Variants in EXOSC9 observed in about 807,000 individuals in gnomAD.
EXOSC9 encodes the protein exosome component 9.
EXOSC9 carries 38 observed loss-of-function variants against 56.5 expected under a neutral mutation model. That is an observed-to-expected ratio of 0.67 (90% CI 0.52 to 0.88). The LOEUF (loss-of-function observed/expected upper bound fraction) is 0.88. EXOSC9 is among the 40% of genes least tolerant of loss of function. The probability of loss-of-function intolerance (pLI) is 0.00; values close to 1 mark genes in which losing one functional copy is unlikely to be tolerated. For missense variants in EXOSC9, 559 were observed against 530.5 expected, an observed-to-expected ratio of 1.05 and a Z score of -0.53; for synonymous variants, 170 against 170.8, an observed-to-expected ratio of 0.99 and a Z score of 0.04.
intron 4 of EXOSC9, among the ~76,000 whole-genome samples, chr4:121,804,139 T>C (rs944139855): frequency 5.3e-5 from 8 of 151,726 alleles, no homozygotes; most frequent in African/African-American, 1.9e-4. Flanking sequence ...TAGCTAGGAC[T>C]ATAGGCGCGT....
chr4:121,804,078 G>C (rs996259777), intron 4 of EXOSC9, among the ~76,000 whole-genome samples: 1 of 151,850 alleles, frequency 6.6e-6, no homozygotes, highest in African/African-American at 2.4e-5. Flanking sequence ...ATAGCTCACT[G>C]TAATCTTAAA....
chr4:121,814,208 C>T (rs908234789), intron 10 of EXOSC9, 161 bp downstream of exon 10: 12 of 473,080 alleles, frequency 2.5e-5, no homozygotes, highest in African/African-American at 2.3e-4. Context: ...GGATAAATAA[C>T]ATACAGGATA....
At chr4:121,804,819 G>T in intron 5 of EXOSC9, 60 bp downstream of exon 5, 1 of 1,398,610 alleles carries the variant, frequency 7.1e-7, no homozygotes, top group African/African-American at 1.4e-5. Context: ...TCTTAAATGT[G>T]CAGGCAACTT....
chr4:121,809,804 A>G, intron 6 of EXOSC9, 163 bp from the exon 7 acceptor site: 2 of 668,406 alleles, frequency 3.0e-6, no homozygotes, highest in South Asian at 1.8e-5. Context: ...CATAAACACA[A>G]TAATTTTCTT....
Position 121,807,616 on chromosome 4 carries a change from A to G in EXOSC9, c.599A>G (p.Gln200Arg), listed in dbSNP as rs566555238. Reference sequence around the variant, plus strand: ...ATTTGTGTCAGTTTTGCCTTTTTCCAGCAAGGGTAAGCCTCGCCTTATTAT... The same window carrying G: ...ATTTGTGTCAGTTTTGCCTTTTTCCGGCAAGGGTAAGCCTCGCCTTATTAT... ...MPICVSFAFF[Q>R]QGTYLLVDPN... The change falls in exon 6 of 12, where the codon CAG (glutamine) becomes CGG (arginine). Residue 200 changes from glutamine to arginine, a missense_variant. By Grantham distance (43) the Gln-to-Arg change is conservative (BLOSUM62 1). Transcript: ENST00000243498. 3.7e-6 allele frequency: 6 copies of G among 1,607,610 alleles called. No individual in the cohort carries two copies. In the South Asian group the frequency reaches 5.5e-5, roughly 15 times the overall value.
At chr4:121,808,812 G>A (rs1727122082) in intron 6 of EXOSC9, among the ~76,000 whole-genome samples, 2 of 151,176 alleles carry the variant, frequency 1.3e-5, no homozygotes, top group Non-Finnish European at 2.9e-5. Flanking sequence ...TGAGTAGCTG[G>A]GACCACAGGT....
At chr4:121,807,816 T>A (rs565002157) in intron 6 of EXOSC9, 194 bp downstream of exon 6, 2 of 591,480 alleles carry the variant, frequency 3.4e-6, no homozygotes, top group Non-Finnish European at 6.0e-6. Flanking sequence ...TCTTATACTT[T>A]GATGAAGATA....
chr4:121,803,101 CT>C, intron 4 of EXOSC9, 84 bp downstream of exon 4: 2 of 952,066 alleles, frequency 2.1e-6, no homozygotes, highest in Non-Finnish European at 3.3e-6. Flanking sequence ...ATTCTCAGAA[CT>C]TTAGTTAACT....
intron 10 of EXOSC9, chr4:121,815,931 A>G: frequency 9.8e-6 from 12 of 1,226,246 alleles, no homozygotes; most frequent in Non-Finnish European, 1.2e-5. Context: ...GAGTGCTCTA[A>G]GAAGCTGATT....
chr4:121,810,088 C>G lies in EXOSC9; in HGVS notation c.727C>G (p.Leu243Val), dbSNP rs762229142. 85 of 1,613,388 alleles carry G rather than the reference C, an allele frequency of 5.3e-5. No individual in the cohort carries two copies. Among genetic ancestry groups the G allele is most frequent in the Non-Finnish European group, 6.9e-5 (81 of 1,179,536 alleles). The stretch of plus-strand genomic sequence containing the variant: ...CCAGTCCAGTGGTGGGATAATGCTA[C>G]TAAAAGATCAAGTTAGTGCTTTGAT... Reference protein sequence around the residue: ...TIQSSGGIMLLKDQVLRCSKI... With the variant: ...TIQSSGGIMLVKDQVLRCSKI... Residue 243 changes from leucine (L) to valine (V), a missense_variant, in exon 7 of 12, where the codon CTA (leucine) becomes GTA (valine). Physicochemically the swap from Leu to Val is conservative, Grantham distance 32. Transcript: ENST00000243498.
intron 5 of EXOSC9, among the ~76,000 whole-genome samples, chr4:121,806,239 G>A (rs1195122889): frequency 1.3e-5 from 2 of 151,686 alleles, no homozygotes; most frequent in Middle Eastern, 3.4e-3. Flanking sequence ...TGCAGCCTCC[G>A]CCTCCCGGAT....
intron 5 of EXOSC9, among the ~76,000 whole-genome samples, chr4:121,806,389 C>G (rs1441468604): frequency 6.6e-6 from 1 of 151,762 alleles, no homozygotes; most frequent in African/African-American, 2.4e-5. Context: ...CAACCTCGTC[C>G]ACATCGGCCT....
intron 10 of EXOSC9, chr4:121,814,260 G>A: frequency 3.3e-6 from 1 of 305,014 alleles, no homozygotes; most frequent in Non-Finnish European, 6.0e-6. Flanking sequence ...ATATAGGGAT[G>A]TAAGTATTGC....
Position 121,813,249 on chromosome 4 carries a change from G to C in EXOSC9, c.843G>C (p.Lys281Asn), listed in dbSNP as rs983426891. ...NDQKVRKEGG[K>N]FGFAESIANQ... The stretch of plus-strand genomic sequence containing the variant: ...CCACATACAGGAAAGAAGGTGGAAA[G>C]TTTGGTTTTGCAGAGTCTATAGCAA... Residue 281 changes from lysine (K) to asparagine (N), a missense_variant, in exon 9 of 12, where the codon AAG (lysine) becomes AAC (asparagine). By Grantham distance (94) the Lys-to-Asn change is moderately conservative. Coordinates refer to ENST00000243498, the MANE Select transcript of EXOSC9 (RefSeq NM_005033.3). 7.5e-6 allele frequency: 12 copies of C among 1,608,776 alleles called. No homozygotes were observed. The highest frequency in any genetic ancestry group is 1.0e-5 in the Non-Finnish European group (12 of 1,177,050).
At chr4:121,816,060 C>T (rs368266173) in intron 10 of EXOSC9, 614 of 810,068 alleles carry the variant, frequency 7.6e-4, no homozygotes, top group Admixed American at 1.0e-3. Context: ...TGGGTTCAAG[C>T]GATTCTCATG....
In EXOSC9 at chr4:121,801,865, C is replaced by G. The variant is rs144563945; in HGVS notation, c.105C>G (p.Ile35Met). Reference sequence around the variant, plus strand: ...GACAAACCTATGATTATAGGAACATCAGGATCTCATTTGGAACAGATTACG... The same window carrying G: ...GACAAACCTATGATTATAGGAACATGAGGATCTCATTTGGAACAGATTACG... ...DGRQTYDYRN[I>M]RISFGTDYGC... The change falls in exon 2 of 12, where the codon ATC becomes ATG. Residue 35 changes from isoleucine to methionine, a missense_variant. Physicochemically the swap from Ile to Met is conservative, Grantham distance 10. Transcript: ENST00000243498. The G allele has an allele frequency of 1.2e-6, 2 of 1,614,038 alleles. No homozygotes were observed. Among genetic ancestry groups the G allele is most frequent in the Admixed American group, 3.3e-5 (2 of 60,028 alleles).
At chr4:121,806,781 T>G (rs1425478942) in intron 5 of EXOSC9, among the ~76,000 whole-genome samples, 1 of 151,990 alleles carries the variant, frequency 6.6e-6, no homozygotes, top group African/African-American at 2.4e-5. Flanking sequence ...TCCATTTATA[T>G]AGAATGCTCA....
chr4:121,804,625 T>G lies in EXOSC9; in HGVS notation c.388T>G (p.Trp130Gly), dbSNP rs1433754712. Reference protein sequence around the residue: ...SLCVVAGEKVWQIRVDLHLLN... With the variant: ...SLCVVAGEKVGQIRVDLHLLN... ...TTTATTTTAAATTCACTATCAGGTT[T>G]GGCAAATACGTGTAGACCTACATTT... Residue 130 changes from tryptophan to glycine, a missense_variant, in exon 5 of 12, where the codon TGG (tryptophan) becomes GGG (glycine). Physicochemically the swap from Trp to Gly is radical, Grantham distance 184 (BLOSUM62 -2). Transcript: ENST00000243498. 1 of 1,572,572 alleles carries G rather than the reference T, an allele frequency of 6.4e-7. No homozygotes were observed. The highest frequency in any genetic ancestry group is 8.7e-7 in the Non-Finnish European group (1 of 1,147,088).
intron 5 of EXOSC9, 23 bp downstream of exon 5, chr4:121,804,782 A>T (rs757867018): frequency 6.5e-7 from 1 of 1,543,192 alleles, no homozygotes; most frequent in South Asian, 1.3e-5. Flanking sequence ...GTGAACCAGG[A>T]TCCTTGATAT....
Sources: gnomAD v4.1 joint callset for allele counts (sites outside exome capture counted in the v4.1 genomes callset) on GRCh38, gnomAD v4.1.1 for gene constraint, MANE v1.5 for transcripts, NCBI Gene and HGNC (gene_info 2026-07-23, HGNC 2026-07-21) for gene names.